SH3BGRL2: variants seen among roughly 807,000 people sequenced by gnomAD.
SH3BGRL2 encodes SH3 domain binding glutamate rich protein like 2.
A neutral mutation model predicts 14.8 loss-of-function variants in SH3BGRL2; 21 were observed. The observed-to-expected ratio is 1.42, with a 90% CI of 1.01 to 2.05. The LOEUF is 2.05. Ranked by LOEUF, SH3BGRL2 falls within the 30% of genes most tolerant of loss-of-function variation. SH3BGRL2 has a pLI of 0.00. For synonymous variants in SH3BGRL2, 50 were observed against 47.8 expected, an observed-to-expected ratio of 1.05 and a Z score of -0.19; for missense variants, 147 against 130.8, an observed-to-expected ratio of 1.12 and a Z score of -0.61.
chr6:79,586,313 T>C, the SH3BGRL2 span, among the ~76,000 whole-genome samples: 1 of 131,692 alleles, frequency 7.6e-6, no homozygotes, highest in Admixed American at 8.9e-5. Context: ...CCCAAGACAA[T>C]TCTTCTTCCA....
At position 79,649,300 on chromosome 6, in the gene SH3BGRL2, G is replaced by C. The variant is rs527913575; in HGVS notation, c.45+17794G>C. On this transcript the variant is annotated intron_variant, in intron 1 of 3. Coordinates refer to ENST00000369838, the MANE Select transcript of SH3BGRL2 (RefSeq NM_031469.4). ...AAATGGATAATCATGAAGATTCTTA[G>C]TCTAGAACAGATTAAATCAGGTTTG... Among the ~76,000 whole-genome samples, 9 of 152,288 alleles carry C rather than the reference G, an allele frequency of 5.9e-5. No individual in the cohort carries two copies. The East Asian group carries it at 1.7e-3, about 29-fold the overall frequency.
the SH3BGRL2 span, chr6:79,561,617 A>G: frequency 3.3e-4 from 51 of 152,366 alleles, no homozygotes; most frequent in African/African-American, 1.1e-3. Context: ...ACTTGGATCG[A>G]GCAAGATATC....
chr6:79,674,730 TAGATTATAC>T (rs1277884997), intron 2 of SH3BGRL2, among the ~76,000 whole-genome samples: 7 of 152,204 alleles, frequency 4.6e-5, no homozygotes, highest in African/African-American at 1.7e-4. Context: ...AAGCCATGTG[TAGATTATAC>T]AGAGAATTCT....
intron 3 of SH3BGRL2, among the ~76,000 whole-genome samples, chr6:79,699,268 C>T (rs748120784): frequency 6.6e-6 from 1 of 152,038 alleles, no homozygotes; most frequent in African/African-American, 2.4e-5. Context: ...TGAAAACATG[C>T]GGCTTTCTTT....
chr6:79,547,259 A>G, the SH3BGRL2 span, among the ~76,000 whole-genome samples: 1 of 127,542 alleles, frequency 7.8e-6, no homozygotes. Context: ...TCCATGAGTT[A>G]GAGGAGAAGC....
At chr6:79,554,885 A>G in the SH3BGRL2 span, among the ~76,000 whole-genome samples, 3 of 152,148 alleles carry the variant, frequency 2.0e-5, no homozygotes, top group East Asian at 5.8e-4. Flanking sequence ...ATATTATTAT[A>G]TTATCATTAT....
chr6:79,674,252 T>C (rs1769837189), intron 2 of SH3BGRL2, among the ~76,000 whole-genome samples: 1 of 152,154 alleles, frequency 6.6e-6, no homozygotes, highest in Non-Finnish European at 1.5e-5. Flanking sequence ...CCCTTTATGG[T>C]ATAAATAACT....
the SH3BGRL2 span, among the ~76,000 whole-genome samples, chr6:79,572,389 T>G: frequency 1.3e-5 from 2 of 152,198 alleles, no homozygotes; most frequent in Non-Finnish European, 2.9e-5. Context: ...TTCCAACTCT[T>G]GGTATCATGA....
chr6:79,644,156 G>T (rs897243626), intron 1 of SH3BGRL2, among the ~76,000 whole-genome samples: 1 of 152,176 alleles, frequency 6.6e-6, no homozygotes, highest in African/African-American at 2.4e-5. Context: ...AGGTTACTAG[G>T]AGAAATGTTC....
At chr6:79,656,928 A>G (rs1769431564) in intron 1 of SH3BGRL2, among the ~76,000 whole-genome samples, 1 of 152,178 alleles carries the variant, frequency 6.6e-6, no homozygotes, top group Admixed American at 6.5e-5. Flanking sequence ...TAAAGAACAT[A>G]CATGAGAAAA....
intron 3 of SH3BGRL2, among the ~76,000 whole-genome samples, chr6:79,697,405 T>C (rs1038257092): frequency 2.6e-5 from 4 of 152,200 alleles, no homozygotes; most frequent in Non-Finnish European, 4.4e-5. Flanking sequence ...AATTCTAATA[T>C]GTCTATTTTT....
chr6:79,617,905 G>C, the SH3BGRL2 span, among the ~76,000 whole-genome samples: 2 of 152,284 alleles, frequency 1.3e-5, no homozygotes, highest in East Asian at 3.9e-4. Context: ...ATGACACACA[G>C]GTCCTTCCAT....
At chr6:79,670,855 G>A (rs1476585354) in intron 1 of SH3BGRL2, among the ~76,000 whole-genome samples, 2 of 152,098 alleles carry the variant, frequency 1.3e-5, no homozygotes, top group Non-Finnish European at 2.9e-5. Context: ...CCATATCTGC[G>A]TTTCTGCAAG....
chr6:79,674,760 A>G (rs1769847945), intron 2 of SH3BGRL2, among the ~76,000 whole-genome samples: 1 of 152,216 alleles, frequency 6.6e-6, no homozygotes, highest in South Asian at 2.1e-4. Flanking sequence ...TACCTGTAGC[A>G]TCCTGAGGAG....
chr6:79,550,073 T>G, the SH3BGRL2 span, among the ~76,000 whole-genome samples: 2 of 152,202 alleles, frequency 1.3e-5, no homozygotes, highest in Non-Finnish European at 2.9e-5. Flanking sequence ...TGTTTCTTGT[T>G]TTTCTACAGT....
At chr6:79,699,121 A>G (rs1770394511) in intron 3 of SH3BGRL2, among the ~76,000 whole-genome samples, 1 of 151,978 alleles carries the variant, frequency 6.6e-6, no homozygotes, top group Non-Finnish European at 1.5e-5. Context: ...TTACTAACAG[A>G]TATGGTCGTT....
chr6:79,637,691 TAA>T (rs906737688), intron 1 of SH3BGRL2, among the ~76,000 whole-genome samples: 3 of 135,134 alleles, frequency 2.2e-5, no homozygotes. Context: ...AAACTCCTTC[TAA>T]AAAAAAAAAA....
chr6:79,579,984 C>A, the SH3BGRL2 span, among the ~76,000 whole-genome samples: 1 of 152,188 alleles, frequency 6.6e-6, no homozygotes, highest in East Asian at 1.9e-4. Flanking sequence ...CAAAAAAAGG[C>A]AAGGGTTGCA....
the SH3BGRL2 span, among the ~76,000 whole-genome samples, chr6:79,560,034 A>G: frequency 1.3e-5 from 2 of 152,144 alleles, no homozygotes; most frequent in African/African-American, 4.8e-5. Flanking sequence ...GGAGAAGAGG[A>G]AGAGAAGAAG....
Sources: allele counts gnomAD v4.1 joint callset (sites outside exome capture counted in the v4.1 genomes callset), GRCh38; gene constraint gnomAD v4.1.1; transcripts MANE v1.5; gene names NCBI Gene and HGNC (gene_info 2026-07-23, HGNC 2026-07-21).